CNTN5: variants seen among roughly 807,000 people sequenced by gnomAD.
The protein encoded by CNTN5 is contactin-5.
A neutral mutation model predicts 129.1 loss-of-function variants in CNTN5; 77 were observed. The ratio of observed to expected loss-of-function variants is 0.60; its 90% CI spans 0.50 to 0.72. CNTN5 has a LOEUF of 0.72. Ranked by LOEUF, CNTN5 falls within the 30% of genes least tolerant of loss-of-function variation. CNTN5 has a pLI of 0.00. For missense variants in CNTN5, 1,478 were observed against 1,328.8 expected (o/e 1.11, Z -1.75); for synonymous variants, 509 against 465.6 (o/e 1.09, Z -1.20).
chr11:99,519,869 T>C (rs866402990), intron 2 of CNTN5, among the ~76,000 whole-genome samples: 1 of 152,088 alleles, frequency 6.6e-6, no homozygotes, highest in African/African-American at 2.4e-5. Context: ...TCAGAGACCA[T>C]GCATTTAATG....
intron 8 of CNTN5, among the ~76,000 whole-genome samples, chr11:99,976,873 G>A (rs748975968): frequency 5.9e-5 from 9 of 152,348 alleles, no homozygotes; most frequent in Middle Eastern, 3.4e-3. Flanking sequence ...CTGGCTTGAA[G>A]TTCTTCCCAG....
rs1272547017 is a variant in CNTN5, at chr11:99,045,263, A to G, written c.-210+23993A>G. On this transcript the variant is annotated intron_variant, in intron 1 of 24. Coordinates refer to ENST00000524871, the MANE Select transcript of CNTN5 (RefSeq NM_014361.4). ...GATTTCAATTACAAGTAAAGCATTT[A>G]TTAAACATTAGGTGAAATAATTATA... Among the ~76,000 whole-genome samples, 4 of 152,362 alleles carry G rather than the reference A, an allele frequency of 2.6e-5. No individual in the cohort carries two copies. The East Asian group carries it at 7.7e-4, about 29-fold the overall frequency.
At position 99,624,150 on chromosome 11, in the gene CNTN5, A is replaced by C. The variant is rs543817889; in HGVS notation, c.55+67881A>C. Among the ~76,000 whole-genome samples the C allele has an allele frequency of 2.0e-5, 3 of 151,760 alleles. No individual in the cohort carries two copies. The East Asian group carries it at 5.9e-4, about 30-fold the overall frequency. On this transcript the variant is annotated intron_variant, in intron 3 of 24. Transcript: ENST00000524871. ...CAATAGTTTAATGAATGTATTTTGT[A>C]CTGTGTCCTTAGGAATACTGAGTGG...
At chr11:99,293,962 G>T (rs568961870) in intron 1 of CNTN5, among the ~76,000 whole-genome samples, 1 of 150,922 alleles carries the variant, frequency 6.6e-6, no homozygotes, top group Non-Finnish European at 1.5e-5. Flanking sequence ...TTTGAATTTG[G>T]CATGTTATTG....
chr11:99,207,478 A>G (rs1466873269), intron 1 of CNTN5, among the ~76,000 whole-genome samples: 1 of 152,170 alleles, frequency 6.6e-6, no homozygotes, highest in Non-Finnish European at 1.5e-5. Flanking sequence ...TTTGTTAAGC[A>G]GTGGCAGAAA....
intron 2 of CNTN5, among the ~76,000 whole-genome samples, chr11:99,422,640 G>A (rs1942954527): frequency 2.7e-5 from 4 of 150,550 alleles, no homozygotes; most frequent in Admixed American, 2.7e-4. Flanking sequence ...AACAAAGAGA[G>A]TGTAGAAGCA....
At chr11:99,473,635 T>C (rs1459479090) in intron 2 of CNTN5, among the ~76,000 whole-genome samples, 1 of 152,082 alleles carries the variant, frequency 6.6e-6, no homozygotes, top group Non-Finnish European at 1.5e-5. Flanking sequence ...CTTTAAATTT[T>C]TTTTTAAATT....
intron 17 of CNTN5, among the ~76,000 whole-genome samples, chr11:100,258,581 G>C (rs1050281913): frequency 6.6e-6 from 1 of 152,188 alleles, no homozygotes; most frequent in South Asian, 2.1e-4. Context: ...CAGACTAACA[G>C]TGGATCTCTC....
intron 2 of CNTN5, among the ~76,000 whole-genome samples, chr11:99,339,200 T>TA (rs11437222): frequency 0.8 from 121,845 of 151,380 alleles, 49,199 homozygotes; most frequent in African/African-American, 0.87. Context: ...AACATTAAAA[T>TA]AAAAAAACTT....
At chr11:99,934,898 G>GTATATATATA (rs200635742) in intron 7 of CNTN5, among the ~76,000 whole-genome samples, 1 of 67,950 alleles carries the variant, frequency 1.5e-5, no homozygotes, top group Admixed American at 1.4e-4. Context: ...GTGTGTGTGT[G>GTATATATATA]TATATATATA....
rs187312184 is a variant in CNTN5 at position 99,901,480 on chromosome 11, G to A, written c.578-14574G>A. On this transcript the variant is annotated intron_variant, in intron 6 of 24. Transcript: ENST00000524871. ...TAATTTTTTGTGTATTTTTAATAGA[G>A]GTGGGTTTCACCATGGTGACCAGGC... 3.0e-3 allele frequency among the ~76,000 whole-genome samples: 454 copies of A among 152,044 alleles called. 2 individuals carry two copies. Among genetic ancestry groups the A allele is most frequent in the Non-Finnish European group, 3.2e-3 (220 of 67,958 alleles).
At chr11:99,335,315 C>A (rs1022363007) in intron 2 of CNTN5, among the ~76,000 whole-genome samples, 1 of 152,060 alleles carries the variant, frequency 6.6e-6, no homozygotes, top group Non-Finnish European at 1.5e-5. Context: ...ATACAGAAGT[C>A]TTCAATCTTT....
At chr11:99,042,800 A>G (rs1864057382) in intron 1 of CNTN5, among the ~76,000 whole-genome samples, 2 of 148,658 alleles carry the variant, frequency 1.3e-5, no homozygotes, top group Non-Finnish European at 2.9e-5. Context: ...GTGGATGAGC[A>G]TAGACGCAGT....
At chr11:99,052,184 G>T (rs1224570753) in intron 1 of CNTN5, among the ~76,000 whole-genome samples, 13 of 151,750 alleles carry the variant, frequency 8.6e-5, no homozygotes, top group Non-Finnish European at 1.9e-4. Context: ...TGGTATAAAT[G>T]TGTGTGTATA....
intron 3 of CNTN5, among the ~76,000 whole-genome samples, chr11:99,670,125 C>T (rs1952973129): frequency 6.6e-6 from 1 of 151,862 alleles, no homozygotes; most frequent in South Asian, 2.1e-4. Context: ...AGGGAAATAC[C>T]ATTAAACATG....
intron 4 of CNTN5, among the ~76,000 whole-genome samples, chr11:99,822,503 T>C (rs1279765696): frequency 1.3e-5 from 2 of 152,156 alleles, no homozygotes; most frequent in African/African-American, 2.4e-5. Flanking sequence ...ATATCACTTA[T>C]GTAAAACAAT....
chr11:99,638,469 G>A (rs1951646336), intron 3 of CNTN5, among the ~76,000 whole-genome samples: 1 of 152,042 alleles, frequency 6.6e-6, no homozygotes, highest in Non-Finnish European at 1.5e-5. Context: ...ACTCATTTGG[G>A]CATTAACCCA....
At chr11:99,879,854 C>T (rs1290928713) in intron 6 of CNTN5, among the ~76,000 whole-genome samples, 1 of 152,248 alleles carries the variant, frequency 6.6e-6, no homozygotes, top group East Asian at 1.9e-4. Flanking sequence ...TTTAGTAGGT[C>T]TAGCAAGAAG....
At chr11:99,128,519 C>A (rs4753940) in intron 1 of CNTN5, among the ~76,000 whole-genome samples, 1 of 152,100 alleles carries the variant, frequency 6.6e-6, no homozygotes, top group Non-Finnish European at 1.5e-5. Context: ...GCAGGAGGAG[C>A]GGCCAAGGTG....
Sources: allele counts gnomAD v4.1 joint callset (sites outside exome capture counted in the v4.1 genomes callset), GRCh38; gene constraint gnomAD v4.1.1; transcripts MANE v1.5; gene names NCBI Gene and HGNC (gene_info 2026-07-23, HGNC 2026-07-21).